CAMTA1: variants seen among roughly 807,000 people sequenced by gnomAD.
CAMTA1 encodes the protein calmodulin binding transcription activator 1.
Under a neutral mutation model 170.9 loss-of-function variants are expected in CAMTA1, and 27 were observed. That is an observed-to-expected ratio of 0.16 (90% confidence interval 0.12 to 0.22). The LOEUF (loss-of-function observed/expected upper bound fraction) is 0.22. Ranked by LOEUF, CAMTA1 falls within the 10% of genes least tolerant of loss-of-function variation. CAMTA1 has a pLI of 1.00. For missense variants in CAMTA1, 1,619 were observed against 2,217.2 expected (o/e 0.73, Z 5.42); for synonymous variants, 833 against 891.5 (o/e 0.93, Z 1.17).
At chr1:7,697,088 C>T (rs1342279942) in intron 11 of CAMTA1, among the ~76,000 whole-genome samples, 1 of 152,176 alleles carries the variant, frequency 6.6e-6, no homozygotes, top group Non-Finnish European at 1.5e-5. Flanking sequence ...GCATCCTGGC[C>T]AACTCCCTCA....
intron 6 of CAMTA1, among the ~76,000 whole-genome samples, chr1:7,521,453 C>G (rs542834425): frequency 1.3e-5 from 2 of 151,752 alleles, no homozygotes; most frequent in African/African-American, 2.4e-5. Flanking sequence ...CCCATTTTTA[C>G]TTGCATTTGT....
chr1:7,391,750 A>C (rs1487139574), intron 5 of CAMTA1, among the ~76,000 whole-genome samples: 1 of 152,202 alleles, frequency 6.6e-6, no homozygotes, highest in East Asian at 1.9e-4. Context: ...CATATAAATG[A>C]AATCATACAG....
chr1:7,492,590 C>T (rs1278218064), intron 6 of CAMTA1, among the ~76,000 whole-genome samples: 1 of 138,232 alleles, frequency 7.2e-6, no homozygotes, highest in Non-Finnish European at 1.5e-5. Context: ...CCTACATACA[C>T]ACACGCGTGC....
chr1:7,544,186 G>A (rs1297347964), intron 6 of CAMTA1, among the ~76,000 whole-genome samples: 1 of 152,170 alleles, frequency 6.6e-6, no homozygotes, highest in African/African-American at 2.4e-5. Flanking sequence ...GGAAGCAAAA[G>A]GCACTTCTTA....
In CAMTA1 at chr1:7,433,047, C is replaced by T. The variant is rs374001026; in HGVS notation, c.439-34783C>T. Among the ~76,000 whole-genome samples the T allele has an allele frequency of 3.2e-3, 492 of 152,342 alleles. 1 individual carries two copies. The highest frequency in any genetic ancestry group is 0.011 in the African/African-American group (472 of 41,584). ...AAGCAGGCAGCCTCCCTCTGACCAC[C>T]GGGTATGCCGGCCCCCAGTCCCCAT... is the stretch of plus-strand genomic sequence containing the variant. On this transcript the variant is annotated intron_variant, in intron 5 of 22. Coordinates refer to ENST00000303635, the MANE Select transcript of CAMTA1 (RefSeq NM_015215.4).
chr1:7,104,716 G>A (rs1402489694), intron 4 of CAMTA1, among the ~76,000 whole-genome samples: 1 of 152,164 alleles, frequency 6.6e-6, no homozygotes, highest in Non-Finnish European at 1.5e-5. Context: ...TGTCAACTGA[G>A]GCTTCAGGAG....
intron 6 of CAMTA1, among the ~76,000 whole-genome samples, chr1:7,484,501 C>T (rs543853415): frequency 6.6e-6 from 1 of 152,288 alleles, no homozygotes; most frequent in East Asian, 1.9e-4. Context: ...ATTCAGATAA[C>T]AATCGTGGCC....
chr1:7,169,933 T>C (rs942322174), intron 4 of CAMTA1, among the ~76,000 whole-genome samples: 2 of 152,238 alleles, frequency 1.3e-5, no homozygotes, highest in African/African-American at 4.8e-5. Flanking sequence ...ATTATCCTTT[T>C]TAATCAGAAT....
intron 6 of CAMTA1, among the ~76,000 whole-genome samples, chr1:7,543,820 G>A (rs2094647662): frequency 6.8e-6 from 1 of 146,402 alleles, no homozygotes; most frequent in Non-Finnish European, 1.5e-5. Context: ...TTAAATGAGT[G>A]CTGGCAGCGA....
At chr1:7,636,127 C>T (rs2095710320) in intron 6 of CAMTA1, among the ~76,000 whole-genome samples, 1 of 152,182 alleles carries the variant, frequency 6.6e-6, no homozygotes, top group African/African-American at 2.4e-5. Flanking sequence ...AGGCAAGGCC[C>T]AGCATGGAGG....
chr1:7,492,473 GAAGGATGGA>G (rs1358209923), intron 6 of CAMTA1, among the ~76,000 whole-genome samples: 1 of 152,212 alleles, frequency 6.6e-6, no homozygotes, highest in Non-Finnish European at 1.5e-5. Flanking sequence ...AGGCAGCAGT[GAAGGATGGA>G]AAGGGTTTCC....
intron 3 of CAMTA1, among the ~76,000 whole-genome samples, chr1:6,937,551 T>C (rs144801514): frequency 4.9e-3 from 3 of 614 alleles, no homozygotes; most frequent in Non-Finnish European, 8.8e-3. Flanking sequence ...CACTTACCAC[T>C]ACCATCATCA....
chr1:7,204,610 T>TA (rs1657332195), intron 4 of CAMTA1, among the ~76,000 whole-genome samples: 3 of 152,076 alleles, frequency 2.0e-5, no homozygotes, highest in African/African-American at 7.2e-5. Context: ...CATGTACCCT[T>TA]AAGAAGAATG....
intron 11 of CAMTA1, among the ~76,000 whole-genome samples, chr1:7,697,152 A>G (rs954272285): frequency 6.6e-6 from 1 of 152,188 alleles, no homozygotes; most frequent in Non-Finnish European, 1.5e-5. Context: ...CATAGGGAGG[A>G]AAGTGGCAGG....
intron 3 of CAMTA1, among the ~76,000 whole-genome samples, chr1:7,085,838 G>A (rs1640665546): frequency 6.6e-6 from 1 of 152,260 alleles, no homozygotes; most frequent in South Asian, 2.1e-4. Context: ...TTGGGGACTG[G>A]ATGGTGGGTG....
At chr1:7,531,436 G>C (rs2094491537) in intron 6 of CAMTA1, among the ~76,000 whole-genome samples, 1 of 152,186 alleles carries the variant, frequency 6.6e-6, no homozygotes, top group South Asian at 2.1e-4. Flanking sequence ...CAGGCAAGGT[G>C]GGCCTCAGTG....
chr1:7,624,982 G>A (rs1206528007), intron 6 of CAMTA1, among the ~76,000 whole-genome samples: 2 of 152,212 alleles, frequency 1.3e-5, no homozygotes, highest in South Asian at 2.1e-4. Flanking sequence ...TGGGAACAGC[G>A]TGGGCAGGGC....
chr1:7,011,147 T>C (rs1699717904), intron 3 of CAMTA1, among the ~76,000 whole-genome samples: 1 of 152,246 alleles, frequency 6.6e-6, no homozygotes, highest in East Asian at 1.9e-4. Flanking sequence ...TGGTGGCTGG[T>C]CTTCGCATTG....
intron 4 of CAMTA1, among the ~76,000 whole-genome samples, chr1:7,094,596 T>G (rs892933585): frequency 3.3e-5 from 5 of 152,290 alleles, no homozygotes; most frequent in African/African-American, 1.2e-4. Flanking sequence ...TGTGGCTTGC[T>G]GCTGGCTGGG....
Sources: allele counts gnomAD v4.1 joint callset (sites outside exome capture counted in the v4.1 genomes callset), GRCh38; gene constraint gnomAD v4.1.1; transcripts MANE v1.5; gene names NCBI Gene and HGNC (gene_info 2026-07-23, HGNC 2026-07-21).